The following CYP2C19 variants were observed in gnomAD, a reference collection of about 807,000 sequenced individuals.
CYP2C19 encodes cytochrome P450 family 2 subfamily C member 19.
A neutral mutation model predicts 40.9 loss-of-function variants in CYP2C19; 59 were observed. The observed-to-expected ratio is 1.44, with a 90% confidence interval of 1.17 to 1.79. The LOEUF (loss-of-function observed/expected upper bound fraction) is 1.79, where lower values mean the gene tolerates loss of function less well. Ranked by LOEUF, CYP2C19 falls within the 40% of genes most tolerant of loss-of-function variation. The pLI is 0.00. For missense variants in CYP2C19, 754 were observed against 596.9 expected, an observed-to-expected ratio of 1.26 and a Z score of -2.74; for synonymous variants, 253 against 208.7, an observed-to-expected ratio of 1.21 and a Z score of -1.83.
chr10:94,834,803 G>A (rs1019649929), intron 6 of CYP2C19, among the ~76,000 whole-genome samples: 1 of 152,140 alleles, frequency 6.6e-6, no homozygotes, highest in African/African-American at 2.4e-5. Context: ...TAAGTTGCAA[G>A]CCCCGTGTTT....
At chr10:94,827,640 G>T (rs909736563) in intron 6 of CYP2C19, among the ~76,000 whole-genome samples, 2 of 152,154 alleles carry the variant, frequency 1.3e-5, no homozygotes, top group Admixed American at 1.3e-4. Flanking sequence ...ATTTTTTGAA[G>T]GGTCTTTTGT....
At chr10:94,784,154 T>C (rs1489696370) in intron 5 of CYP2C19, among the ~76,000 whole-genome samples, 1 of 152,206 alleles carries the variant, frequency 6.6e-6, no homozygotes, top group African/African-American at 2.4e-5. Context: ...TCATAGCATA[T>C]GCAACCTTTT....
chr10:94,767,481 A>C (rs567913456), intron 1 of CYP2C19, among the ~76,000 whole-genome samples: 1 of 152,314 alleles, frequency 6.6e-6, no homozygotes, highest in Admixed American at 6.5e-5. Context: ...AGGTATCAAC[A>C]CAGACCAACA....
At chr10:94,763,381 A>T (rs371213951) in intron 1 of CYP2C19, among the ~76,000 whole-genome samples, 166 of 152,318 alleles carry the variant, frequency 1.1e-3, no homozygotes, top group African/African-American at 3.9e-3. Context: ...TTCAATTATT[A>T]GATCCACAAA....
chr10:94,847,131 G>T (rs541123746), intron 7 of CYP2C19, among the ~76,000 whole-genome samples: 4 of 151,654 alleles, frequency 2.6e-5, no homozygotes, highest in East Asian at 2.0e-4. Context: ...CAACGTGCAG[G>T]TTAGTTACAA....
At chr10:94,815,351 A>T (rs914434945) in intron 5 of CYP2C19, among the ~76,000 whole-genome samples, 6 of 152,230 alleles carry the variant, frequency 3.9e-5, no homozygotes, top group Admixed American at 2.6e-4. Context: ...AGACTCTAAA[A>T]GCATAATTAA....
intron 5 of CYP2C19, among the ~76,000 whole-genome samples, chr10:94,817,682 A>C (rs1236707649): frequency 6.6e-6 from 1 of 151,130 alleles, no homozygotes; most frequent in African/African-American, 2.4e-5. Flanking sequence ...GGTAATGCCT[A>C]GGTTTTCTTC....
chr10:94,794,420 C>T (rs1848654013), intron 5 of CYP2C19, among the ~76,000 whole-genome samples: 1 of 152,144 alleles, frequency 6.6e-6, no homozygotes, highest in South Asian at 2.1e-4. Context: ...GCAGAAATCA[C>T]CCATCTTCTA....
At chr10:94,818,349 C>T (rs1849046270) in intron 5 of CYP2C19, among the ~76,000 whole-genome samples, 1 of 151,506 alleles carries the variant, frequency 6.6e-6, no homozygotes, top group South Asian at 2.1e-4. Flanking sequence ...GTTCTTTTGG[C>T]TTAGGATTGA....
At chr10:94,810,027 G>T (rs924489233) in intron 5 of CYP2C19, among the ~76,000 whole-genome samples, 2 of 152,058 alleles carry the variant, frequency 1.3e-5, no homozygotes, top group African/African-American at 4.8e-5. Context: ...AATTACAGAG[G>T]CTGCCACCAC....
At chr10:94,846,391 A>G (rs563191404) in intron 7 of CYP2C19, among the ~76,000 whole-genome samples, 5 of 152,330 alleles carry the variant, frequency 3.3e-5, no homozygotes, top group African/African-American at 1.2e-4. Context: ...GAGGCACATA[A>G]TGTTACATAT....
intron 5 of CYP2C19, among the ~76,000 whole-genome samples, chr10:94,816,757 T>C (rs1326967675): frequency 7.2e-6 from 1 of 138,064 alleles, no homozygotes; most frequent in Non-Finnish European, 1.5e-5. Flanking sequence ...GTCCCCAGAG[T>C]GTGGTATTCC....
chr10:94,767,473 G>A (rs919404153), intron 1 of CYP2C19, among the ~76,000 whole-genome samples: 1 of 152,114 alleles, frequency 6.6e-6, no homozygotes, highest in Admixed American at 6.5e-5. Flanking sequence ...ATTTGTAAAG[G>A]TATCAACACA....
chr10:94,795,036 G>A (rs911495277), intron 5 of CYP2C19, among the ~76,000 whole-genome samples: 9 of 151,672 alleles, frequency 5.9e-5, no homozygotes, highest in African/African-American at 2.2e-4. Flanking sequence ...TTAAGTTGTA[G>A]GGTACATGTG....
intron 6 of CYP2C19, among the ~76,000 whole-genome samples, chr10:94,842,541 A>G (rs1449506732): frequency 6.7e-6 from 1 of 149,586 alleles, no homozygotes; most frequent in Non-Finnish European, 1.5e-5. Context: ...TTATTTGTTT[A>G]CTGGTTGTTT....
chr10:94,816,182 G>C (rs960662044), intron 5 of CYP2C19, among the ~76,000 whole-genome samples: 4 of 151,576 alleles, frequency 2.6e-5, no homozygotes, highest in Non-Finnish European at 5.9e-5. Flanking sequence ...TAAGGGGGTA[G>C]GAAATAAAGT....
At chr10:94,806,772 C>T (rs976510876) in intron 5 of CYP2C19, among the ~76,000 whole-genome samples, 11 of 149,814 alleles carry the variant, frequency 7.3e-5, no homozygotes, top group African/African-American at 2.7e-4. Flanking sequence ...TTTTAGTGGG[C>T]ACAATAATTG....
rs1197738642 is a variant in CYP2C19 at position 94,854,800 on chromosome 10, AC to A, written c.*1888del. ...TCCTACCAAGTAATATGCCAGCAAA[AC>A]CTCTAAGGTGATAGAAACATAGGCA... On this transcript the variant is annotated 3_prime_UTR_variant, in exon 9 of 9. Transcript: ENST00000371321. 6.6e-6 allele frequency among the ~76,000 whole-genome samples: 1 copy of A among 152,188 alleles called. No homozygotes were observed. The highest frequency in any genetic ancestry group is 1.5e-5 in the Non-Finnish European group (1 of 68,034).
At chr10:94,769,203 T>G (rs1015960832) in intron 1 of CYP2C19, among the ~76,000 whole-genome samples, 1 of 152,062 alleles carries the variant, frequency 6.6e-6, no homozygotes, top group Non-Finnish European at 1.5e-5. Flanking sequence ...GTTCAAGAGA[T>G]CTAGAGTACC....
Sources: allele counts gnomAD v4.1 joint callset (sites outside exome capture counted in the v4.1 genomes callset), GRCh38; gene constraint gnomAD v4.1.1; transcripts MANE v1.5; gene names NCBI Gene and HGNC (gene_info 2026-07-23, HGNC 2026-07-21).